Variants in DCLRE1B observed in about 807,000 individuals in gnomAD.
The protein encoded by DCLRE1B is 5' exonuclease Apollo.
A neutral mutation model predicts 19.8 loss-of-function variants in DCLRE1B; 6 were observed. The observed-to-expected ratio is 0.30, with a 90% CI of 0.17 to 0.60. The LOEUF is 0.60. DCLRE1B is among the 20% of genes least tolerant of loss of function. The probability of loss-of-function intolerance (pLI) is 0.87; values close to 1 mark genes in which losing one functional copy is unlikely to be tolerated. For synonymous variants in DCLRE1B, 258 were observed against 255.7 expected, an observed-to-expected ratio of 1.01 and a Z score of -0.09; for missense variants, 622 against 654.2, an observed-to-expected ratio of 0.95 and a Z score of 0.54.
chr1:113,907,204 GTTTTTTTTTTTTT>G lies in DCLRE1B; in HGVS notation c.355+61_355+73del, dbSNP rs71090746. The stretch of plus-strand genomic sequence containing the variant: ...TCCCAGTGACTTCTCCAGACTAGAT[GTTTTTTTTTTTTT>G]TTTTTTTTTTTTTTTTTAATGTATA... On this transcript the variant is annotated intron_variant, in intron 2 of 3. Coordinates refer to ENST00000650450, the MANE Select transcript of DCLRE1B (RefSeq NM_022836.4). The G allele has an allele frequency of 2.8e-3, 1,358 of 492,276 alleles. 2 individuals are homozygous for G. The highest frequency in any genetic ancestry group is 3.2e-3 in the Non-Finnish European group (1,158 of 363,572). The allele number at this position is 492,276 out of a possible 1,614,324, so 30.5% of individuals were successfully genotyped here.
At position 113,911,747 on chromosome 1, in the gene DCLRE1B, T is replaced by C; in HGVS notation, c.1155T>C (p.Leu385=). 1 of 1,614,114 alleles carries C rather than the reference T, an allele frequency of 6.2e-7. No individual in the cohort carries two copies. Among genetic ancestry groups the C allele is most frequent in the South Asian group, 1.1e-5 (1 of 91,078 alleles). The change falls in exon 4 of 4, where the codon CTT becomes CTC. Residue 385 remains leucine (L), a synonymous_variant. Coordinates refer to ENST00000650450, the MANE Select transcript of DCLRE1B (RefSeq NM_022836.4). The stretch of plus-strand genomic sequence containing the variant: ...AACTTTCTCCCTGGCCTGCGGACCT[T>C]GAAAAGCAGCCTTCCCACCATCCTT... ...KEKLSPWPAD[L]EKQPSHHPLR...
At position 113,911,217 on chromosome 1, in the gene DCLRE1B, G is replaced by C. The variant is rs1669238471; in HGVS notation, c.625G>C (p.Glu209Gln). The C allele has an allele frequency of 6.2e-7, 1 of 1,614,154 alleles. No individual in the cohort carries two copies. Among genetic ancestry groups the C allele is most frequent in the Non-Finnish European group, 8.5e-7 (1 of 1,180,024 alleles). The change falls in exon 4 of 4, where the codon GAG becomes CAG. Residue 209 changes from glutamate to glutamine, a missense_variant. Around this residue, in one of 3 missense-constraint regions of DCLRE1B, gnomAD observed 382 missense variants for 412.5 expected, o/e 0.93. Transcript: ENST00000650450. ...GGTGGTATTGAGTCCTCGGCGCCTG[G>C]AGTTGGTACAGCTACTGGGCCTGGC... is the stretch of plus-strand genomic sequence containing the variant. ...TWVVLSPRRL[E>Q]LVQLLGLADV...
intron 3 of DCLRE1B, among the ~76,000 whole-genome samples, chr1:113,909,852 T>C (rs1041929452): frequency 6.6e-6 from 1 of 152,092 alleles, no homozygotes; most frequent in East Asian, 1.9e-4. Context: ...AGTGGGAATA[T>C]ATATAGAGAG....
rs1216660373 is a variant in DCLRE1B, at chr1:113,907,031, T to A, written c.225T>A (p.Gly75=). 2 of 1,613,780 alleles carry A rather than the reference T, an allele frequency of 1.2e-6. No homozygotes were observed. The highest frequency in any genetic ancestry group is 3.3e-5 in the Admixed American group (2 of 59,986). Residue 75 remains glycine (G), a synonymous_variant, in exon 2 of 4, where the codon GGT becomes GGA. Transcript: ENST00000650450. ...AATGGATCCAAGCCCTGGAGGTTGG[T>A]GAGAGCCATGTATTACCCCTAGATG... ...SKQWIQALEV[G]ESHVLPLDEI... is the part of the protein sequence containing the mutation.
At chr1:113,904,725 A>G, upstream of DCLRE1B, 1 of 1,611,568 alleles carries the variant, frequency 6.2e-7, no homozygotes, top group Non-Finnish European at 8.5e-7. Flanking sequence ...CATCTTCCTA[A>G]GAGTCACAGG....
Position 113,912,152 on chromosome 1 carries a change from A to T in DCLRE1B, c.1560A>T (p.Arg520Ser), listed in dbSNP as rs779061645. The stretch of plus-strand genomic sequence containing the variant: ...TCCAGGCAGGGTATTCTTCCAGGAG[A>T]TTTGACCAGCAAGTGGAAAAATACC... The part of the protein sequence containing the change: ...NFFQAGYSSR[R>S]FDQQVEKYHK... The change falls in exon 4 of 4, where the codon AGA becomes AGT. Residue 520 changes from arginine (R) to serine (S), a missense_variant. Transcript: ENST00000650450. The T allele has an allele frequency of 6.2e-7, 1 of 1,613,998 alleles. No homozygotes were observed. The highest frequency in any genetic ancestry group is 8.5e-7 in the Non-Finnish European group (1 of 1,179,968).
Position 113,907,037 on chromosome 1 carries a change from C to T in DCLRE1B, c.231C>T (p.Ser77=). The T allele has an allele frequency of 5.6e-6, 9 of 1,613,820 alleles. No homozygotes were observed. The highest frequency in any genetic ancestry group is 7.6e-6 in the Non-Finnish European group (9 of 1,179,960). ...TCCAAGCCCTGGAGGTTGGTGAGAGCCATGTATTACCCCTAGATGAAATTG... is the reference window on the plus strand; with the variant it reads ...TCCAAGCCCTGGAGGTTGGTGAGAGTCATGTATTACCCCTAGATGAAATTG... ...QWIQALEVGE[S]HVLPLDEIGQ... Residue 77 remains serine (S), a synonymous_variant, in exon 2 of 4, where the codon AGC becomes AGT. Coordinates refer to ENST00000650450, the MANE Select transcript of DCLRE1B (RefSeq NM_022836.4).
Position 113,911,570 on chromosome 1 carries a change from C to T in DCLRE1B, c.978C>T (p.Tyr326=). The change falls in exon 4 of 4, where the codon TAC becomes TAT. Residue 326 remains tyrosine (Y), a synonymous_variant. Coordinates refer to ENST00000650450, the MANE Select transcript of DCLRE1B (RefSeq NM_022836.4). ...TGATTCCGGACTCTGTACAGCAATACATGAGTTCTTCCTCTAGAAAACCAA... is the reference window on the plus strand; with the variant it reads ...TGATTCCGGACTCTGTACAGCAATATATGAGTTCTTCCTCTAGAAAACCAA... ...VPLIPDSVQQ[Y]MSSSSRKPSL... 1.2e-6 allele frequency: 2 copies of T among 1,603,436 alleles called. No individual in the cohort carries two copies. The highest frequency in any genetic ancestry group is 1.3e-5 in the African/African-American group (1 of 74,568).
intron 3 of DCLRE1B, among the ~76,000 whole-genome samples, chr1:113,908,491 C>G (rs1334375045): frequency 6.6e-6 from 1 of 152,040 alleles, no homozygotes; most frequent in Non-Finnish European, 1.5e-5. Flanking sequence ...GCCTGTGGTC[C>G]CAGCTACACA....
At chr1:113,905,060 C>G (rs1668818877), upstream of DCLRE1B, 7 of 391,484 alleles carry the variant, frequency 1.8e-5, no homozygotes, top group South Asian at 1.3e-4. Context: ...CAGTTCCAGC[C>G]TTAATTCCCC....
At chr1:113,904,967 GC>G, upstream of DCLRE1B, 1 of 490,900 alleles carries the variant, frequency 2.0e-6, no homozygotes, top group Non-Finnish European at 3.7e-6. Flanking sequence ...CGTTCGCCCC[GC>G]CCACAGATCG....
At position 113,911,349 on chromosome 1, in the gene DCLRE1B, G is replaced by C; in HGVS notation, c.757G>C (p.Ala253Pro). ...TTGGAACCAGACCCACCCTACGATT[G>C]CTATCCTTCCCACAAGCCGAAAAAT... is the stretch of plus-strand genomic sequence containing the variant. ...LRWNQTHPTI[A>P]ILPTSRKIHS... is the part of the protein sequence containing the mutation. The change falls in exon 4 of 4, where the codon GCT (alanine) becomes CCT (proline). Residue 253 changes from alanine to proline, a missense_variant. Physicochemically the swap from Ala to Pro is conservative, Grantham distance 27. Coordinates refer to ENST00000650450, the MANE Select transcript of DCLRE1B (RefSeq NM_022836.4). The C allele has an allele frequency of 6.2e-7, 1 of 1,614,134 alleles. No homozygotes were observed. Among genetic ancestry groups the C allele is most frequent in the South Asian group, 1.1e-5 (1 of 91,084 alleles).
chr1:113,910,045 A>T (rs989423262), intron 3 of DCLRE1B, among the ~76,000 whole-genome samples: 1 of 152,200 alleles, frequency 6.6e-6, no homozygotes. Context: ...TGTTACCATA[A>T]CCATTTCCCA....
Position 113,905,458 on chromosome 1 carries a change from C to G in DCLRE1B, c.-129C>G. ...TGGTAACTTATTGCTCTGCTGGGCT[C>G]TTTCCCTTAGGGTCTCTGGCCCTGT... On this transcript the variant is annotated 5_prime_UTR_variant, in exon 1 of 4. Transcript: ENST00000650450. 1.1e-6 allele frequency: 1 copy of G among 927,112 alleles called. No individual in the cohort carries two copies. Among genetic ancestry groups the G allele is most frequent in the South Asian group, 1.6e-5 (1 of 64,060 alleles). The allele number at this position is 927,112 out of a possible 1,614,324, so 57.4% of individuals were successfully genotyped here.
chr1:113,913,946 G>A lies in DCLRE1B; in HGVS notation c.*1755G>A, dbSNP rs954543478. 6.6e-6 allele frequency: 1 copy of A among 151,868 alleles called. No individual in the cohort carries two copies. The highest frequency in any genetic ancestry group is 1.9e-4 in the East Asian group (1 of 5,192). 9.4% of individuals were successfully genotyped at this position (151,868 alleles called of 1,614,324 possible). Reference sequence around the variant, plus strand: ...GATATCTTAAGCATTTCACTTATTAGATATTGTTCAAAAATGCCATTTTTA... The same window carrying A: ...GATATCTTAAGCATTTCACTTATTAAATATTGTTCAAAAATGCCATTTTTA... On this transcript the variant is annotated 3_prime_UTR_variant, in exon 4 of 4. Coordinates refer to ENST00000650450, the MANE Select transcript of DCLRE1B (RefSeq NM_022836.4).
chr1:113,911,285 A>G lies in DCLRE1B; in HGVS notation c.693A>G (p.Ala231=), dbSNP rs1669242957. ...TVEEKAGRIH[A]VDHMEICHSN... ...AGGAGAAGGCTGGCCGCATCCATGCAGTAGACCATATGGAGATCTGCCATT... is the reference window on the plus strand; with the variant it reads ...AGGAGAAGGCTGGCCGCATCCATGCGGTAGACCATATGGAGATCTGCCATT... The change falls in exon 4 of 4, where the codon GCA becomes GCG. Residue 231 remains alanine (A), a synonymous_variant. Coordinates refer to ENST00000650450, the MANE Select transcript of DCLRE1B (RefSeq NM_022836.4). 8.7e-6 allele frequency: 14 copies of G among 1,614,072 alleles called. No homozygotes were observed. The highest frequency in any genetic ancestry group is 4.0e-5 in the African/African-American group (3 of 74,910).
chr1:113,909,348 T>C (rs960712931), intron 3 of DCLRE1B, among the ~76,000 whole-genome samples: 14 of 152,210 alleles, frequency 9.2e-5, no homozygotes, highest in Admixed American at 8.5e-4. Context: ...TGGAATAGTT[T>C]ATGAAAATAC....
rs1669277349 is a variant in DCLRE1B at position 113,911,964 on chromosome 1, G to A, written c.1372G>A (p.Val458Ile). 1 of 1,614,012 alleles carries A rather than the reference G, an allele frequency of 6.2e-7. No individual in the cohort carries two copies. Among genetic ancestry groups the A allele is most frequent in the South Asian group, 1.1e-5 (1 of 91,084 alleles). ...GGAAATTGGTTTAGGGTCCCCCTTG[G>A]TACCCATGGGAGATGATGATGGAGG... ...REEIGLGSPL[V>I]PMGDDDGGPE... Residue 458 changes from valine (V) to isoleucine (I), a missense_variant, in exon 4 of 4, where the codon GTA (valine) becomes ATA (isoleucine). Around this residue, in one of 3 missense-constraint regions of DCLRE1B, gnomAD observed 382 missense variants for 412.5 expected, o/e 0.93. Coordinates refer to ENST00000650450, the MANE Select transcript of DCLRE1B (RefSeq NM_022836.4).
upstream of DCLRE1B, chr1:113,905,229 C>G: frequency 5.7e-6 from 2 of 349,236 alleles, no homozygotes; most frequent in Non-Finnish European, 1.1e-5. Context: ...CCCCCAACCT[C>G]TCACTCTCCA....
Sources: gnomAD v4.1 joint callset for allele counts (sites outside exome capture counted in the v4.1 genomes callset) on GRCh38, gnomAD v4.1.1 for gene constraint, gnomAD v4.1.1 regional missense constraint, MANE v1.5 for transcripts, NCBI Gene and HGNC (gene_info 2026-07-23, HGNC 2026-07-21) for gene names.